CFAP20DC: variants seen among roughly 807,000 people sequenced by gnomAD.
CFAP20DC encodes CFAP20 domain containing.
CFAP20DC carries 84 observed loss-of-function variants against 101.7 expected under a neutral mutation model. The ratio of observed to expected loss-of-function variants is 0.83; its 90% CI spans 0.69 to 0.99. The LOEUF is 0.99. Ranked by LOEUF, CFAP20DC falls within the 50% of genes least tolerant of loss-of-function variation. The pLI, the probability that CFAP20DC is intolerant of heterozygous loss-of-function variation, is 0.00. For missense variants in CFAP20DC, 1,007 were observed against 970.3 expected (o/e 1.04, Z -0.50); for synonymous variants, 359 against 351.2 (o/e 1.02, Z -0.25).
intron 5 of CFAP20DC, among the ~76,000 whole-genome samples, chr3:58,935,860 T>C (rs2087503055): frequency 6.6e-6 from 1 of 152,154 alleles, no homozygotes; most frequent in Non-Finnish European, 1.5e-5. Context: ...GACATAGGCA[T>C]GGGCAAGGAC....
At position 58,892,549 on chromosome 3, in the gene CFAP20DC, T is replaced by A. The variant is rs959903361; in HGVS notation, c.551-7840A>T. 1.3e-5 allele frequency among the ~76,000 whole-genome samples: 2 copies of A among 152,198 alleles called. No individual in the cohort carries two copies. Among genetic ancestry groups the A allele is most frequent in the Non-Finnish European group, 2.9e-5 (2 of 68,028 alleles). The stretch of plus-strand genomic sequence containing the variant: ...AGTCCTCCTTGAAGAGGTCCTTCAA[T>A]TCCTTTGTTAATTGTATTCCTAGAT... On this transcript the variant is annotated intron_variant, in intron 6 of 16. Coordinates refer to ENST00000482387, the MANE Select transcript of CFAP20DC (RefSeq NM_001394063.1). The surrounding 1 kb of genome is among the most constrained non-coding windows in gnomAD (Gnocchi z 4.0).
At position 58,863,910 on chromosome 3, in the gene CFAP20DC, T is replaced by G. The variant is rs367576176; in HGVS notation, c.1259-18A>C. The G allele has an allele frequency of 5.0e-5, 79 of 1,585,918 alleles. No homozygotes were observed. Among genetic ancestry groups the G allele is most frequent in the Non-Finnish European group, 6.5e-5 (76 of 1,168,094 alleles). On this transcript the variant is annotated intron_variant, in intron 11 of 16. Coordinates refer to ENST00000482387, the MANE Select transcript of CFAP20DC (RefSeq NM_001394063.1). The surrounding 1 kb of genome is among the most constrained non-coding windows in gnomAD (Gnocchi z 5.9). ...CCACTCATCTGACAGTTGGAAAAGATGACAAAAATTAGAGCAGTAATCCAT... is the reference window on the plus strand; with the variant it reads ...CCACTCATCTGACAGTTGGAAAAGAGGACAAAAATTAGAGCAGTAATCCAT...
intron 4 of CFAP20DC, among the ~76,000 whole-genome samples, chr3:58,944,068 A>G (rs1352520889): frequency 6.6e-6 from 1 of 152,224 alleles, no homozygotes; most frequent in African/African-American, 2.4e-5. Context: ...GAAAGATGGA[A>G]CTATGTAAAA....
At chr3:58,810,335 T>A (rs1263467579) in intron 14 of CFAP20DC, among the ~76,000 whole-genome samples, 8 of 152,018 alleles carry the variant, frequency 5.3e-5, no homozygotes, top group Non-Finnish European at 8.8e-5. Context: ...TCCAGCAGCA[T>A]ATCAAAAAGC....
At chr3:58,954,505 A>T (rs2090448003) in intron 4 of CFAP20DC, among the ~76,000 whole-genome samples, 1 of 152,208 alleles carries the variant, frequency 6.6e-6, no homozygotes, top group Non-Finnish European at 1.5e-5. Context: ...AGGTACAGTT[A>T]CAAGGAAATA....
chr3:58,747,265 G>A (rs2068269200), intron 16 of CFAP20DC, among the ~76,000 whole-genome samples: 1 of 152,052 alleles, frequency 6.6e-6, no homozygotes, highest in Admixed American at 6.6e-5. Context: ...ATTGGTTAAC[G>A]GCAATAACAG....
rs2067584049 is a variant in CFAP20DC, at chr3:58,728,272, T to C, written c.198-10644A>G. 1 of 152,226 alleles carries C rather than the reference T, an allele frequency of 6.6e-6. No individual in the cohort carries two copies. Among genetic ancestry groups the C allele is most frequent in the South Asian group, 2.1e-4 (1 of 4,834 alleles). The allele number at this position is 152,226 out of a possible 1,614,324, so 9.4% of individuals were successfully genotyped here. On this transcript the variant is annotated intron_variant, in intron 3 of 3. Coordinates refer to the CFAP20DC transcript ENST00000486145. The surrounding 1 kb of genome is among the most constrained non-coding windows in gnomAD (Gnocchi z 4.7). ...ATGTAATGGGACTGCCTTGAAAGTT[T>C]TGCATAGGAAAATACCTTTGGCTGT...
intron 4 of CFAP20DC, among the ~76,000 whole-genome samples, chr3:59,012,127 T>C (rs535752875): frequency 2.0e-5 from 3 of 152,184 alleles, no homozygotes; most frequent in East Asian, 1.9e-4. Flanking sequence ...AATGATATCA[T>C]AGAAGTATAA....
intron 7 of CFAP20DC, among the ~76,000 whole-genome samples, chr3:58,881,827 G>T (rs1006655903): frequency 6.6e-6 from 1 of 152,120 alleles, no homozygotes; most frequent in African/African-American, 2.4e-5. Context: ...TTCAAATGAA[G>T]AAATATCTCT....
At chr3:59,023,533 C>A (rs969600707) in intron 4 of CFAP20DC, among the ~76,000 whole-genome samples, 2 of 152,014 alleles carry the variant, frequency 1.3e-5, no homozygotes, top group African/African-American at 2.4e-5. Context: ...AGGTGCTCAG[C>A]AACCAAGGTG....
At position 58,788,081 on chromosome 3, in the gene CFAP20DC, AC is replaced by A. The variant is rs1412473939; in HGVS notation, c.2237+18313del. Among the ~76,000 whole-genome samples the A allele has an allele frequency of 6.6e-6, 1 of 151,958 alleles. No homozygotes were observed. Among genetic ancestry groups the A allele is most frequent in the East Asian group, 1.9e-4 (1 of 5,186 alleles). On this transcript the variant is annotated intron_variant, in intron 15 of 16. Transcript: ENST00000482387. This position sits in a 1 kb window ranked among gnomAD's most constrained non-coding sequence, Gnocchi z 4.2. ...CAGCAAACCACCATGGCATGTGTAT[AC>A]CTATACATATATAACAAACCTGCAT... is the stretch of plus-strand genomic sequence containing the variant.
intron 16 of CFAP20DC, among the ~76,000 whole-genome samples, chr3:58,747,711 TGAC>T (rs35748140): frequency 0.11 from 16,253 of 152,190 alleles, 1,045 homozygotes; most frequent in Middle Eastern, 0.19. Flanking sequence ...TCAATGAAGA[TGAC>T]ATTTTAGATA....
intron 5 of CFAP20DC, among the ~76,000 whole-genome samples, chr3:58,931,922 G>C (rs1447449300): frequency 6.6e-6 from 1 of 152,242 alleles, no homozygotes; most frequent in Non-Finnish European, 1.5e-5. Flanking sequence ...AAGCTGGACG[G>C]AGAATGACTT....
intron 14 of CFAP20DC, among the ~76,000 whole-genome samples, chr3:58,816,715 G>A (rs895329330): frequency 2.0e-5 from 3 of 152,172 alleles, no homozygotes; most frequent in Non-Finnish European, 2.9e-5. Flanking sequence ...GCTGGGGGAG[G>A]GGCGCCCGCC....
chr3:58,815,479 A>C, intron 14 of CFAP20DC, among the ~76,000 whole-genome samples: 1 of 149,778 alleles, frequency 6.7e-6, no homozygotes, highest in South Asian at 2.1e-4. Flanking sequence ...CACCAAAAGC[A>C]ATGGCAACAA....
At chr3:59,039,172 T>A (rs1477176695) in intron 4 of CFAP20DC, among the ~76,000 whole-genome samples, 1 of 152,052 alleles carries the variant, frequency 6.6e-6, no homozygotes, top group Admixed American at 6.6e-5. Flanking sequence ...ATTATTAAAA[T>A]AAGATATTTC....
At chr3:59,005,884 A>T (rs905698972) in intron 4 of CFAP20DC, among the ~76,000 whole-genome samples, 5 of 152,222 alleles carry the variant, frequency 3.3e-5, no homozygotes, top group Non-Finnish European at 5.9e-5. Flanking sequence ...CATTTACAAA[A>T]TATCCTAGAT....
At position 58,914,351 on chromosome 3, in the gene CFAP20DC, T is replaced by C. The variant is rs1028235734; in HGVS notation, c.394-487A>G. On this transcript the variant is annotated intron_variant, in intron 5 of 16. Transcript: ENST00000482387. The surrounding 1 kb of genome is among the most constrained non-coding windows in gnomAD (Gnocchi z 4.9). ...TGTCTACTTATAACCAATTAACCTA[T>C]TGTACGGAAACAGATTCTTCTAAAG... 6.6e-6 allele frequency among the ~76,000 whole-genome samples: 1 copy of C among 152,168 alleles called. No homozygotes were observed. The highest frequency in any genetic ancestry group is 2.4e-5 in the African/African-American group (1 of 41,440).
intron 5 of CFAP20DC, among the ~76,000 whole-genome samples, chr3:58,915,086 G>T (rs1053768456): frequency 6.6e-6 from 1 of 152,130 alleles, no homozygotes; most frequent in Non-Finnish European, 1.5e-5. Context: ...AAAAGAATGT[G>T]CAAAAGCAGA....
Sources: allele counts gnomAD v4.1 joint callset (sites outside exome capture counted in the v4.1 genomes callset), GRCh38; gene constraint gnomAD v4.1.1; non-coding constraint Gnocchi (gnomAD v3.1); transcripts MANE v1.5; gene names NCBI Gene and HGNC (gene_info 2026-07-23, HGNC 2026-07-21).